The following LRBA variants were observed in gnomAD, a reference collection of about 807,000 sequenced individuals.
LRBA encodes the protein lipopolysaccharide-responsive and beige-like anchor protein.
Under a neutral mutation model 330.0 loss-of-function variants are expected in LRBA, and 176 were observed. The ratio of observed to expected loss-of-function variants is 0.53; its 90% confidence interval spans 0.47 to 0.60. The LOEUF is 0.60. LRBA is among the 20% of genes least tolerant of loss of function. The pLI is 0.00. For synonymous variants in LRBA, 1,230 were observed against 1,193.0 expected, an observed-to-expected ratio of 1.03 and a Z score of -0.64; for missense variants, 3,259 against 3,444.8, an observed-to-expected ratio of 0.95 and a Z score of 1.35.
chr4:150,598,678 T>A (rs1017847772), intron 38 of LRBA, among the ~76,000 whole-genome samples: 12 of 152,198 alleles, frequency 7.9e-5, no homozygotes, highest in Non-Finnish European at 5.9e-5. Flanking sequence ...TTCCTGATAT[T>A]CATGGATTTA....
intron 37 of LRBA, among the ~76,000 whole-genome samples, chr4:150,632,798 A>C (rs1358702468): frequency 2.0e-5 from 3 of 152,310 alleles, no homozygotes; most frequent in Non-Finnish European, 4.4e-5. Flanking sequence ...TGATCTCAGC[A>C]ATTTATACTT....
chr4:150,921,115 G>C, intron 5 of LRBA, 83 bp downstream of exon 5: 1 of 848,678 alleles, frequency 1.2e-6, no homozygotes. Flanking sequence ...CACAGAACCT[G>C]TCAGGGGTGT....
At chr4:150,779,919 A>G (rs948182183) in intron 34 of LRBA, among the ~76,000 whole-genome samples, 8 of 152,206 alleles carry the variant, frequency 5.3e-5, no homozygotes, top group Non-Finnish European at 8.8e-5. Flanking sequence ...GGTGAAGTTA[A>G]TTACAAGTAA....
intron 37 of LRBA, among the ~76,000 whole-genome samples, chr4:150,666,862 A>AT (rs1781609985): frequency 6.6e-6 from 1 of 152,084 alleles, no homozygotes; most frequent in Non-Finnish European, 1.5e-5. Context: ...TATTGATGTC[A>AT]TTTTTTCTGT....
chr4:150,496,006 GAC>G (rs534712193), intron 40 of LRBA, among the ~76,000 whole-genome samples: 98 of 152,208 alleles, frequency 6.4e-4, no homozygotes, highest in African/African-American at 2.0e-3. Context: ...TAAATGTTGA[GAC>G]AGTGTGTTAG....
At chr4:150,611,850 T>C (rs2126579997) in intron 37 of LRBA, among the ~76,000 whole-genome samples, 1 of 152,324 alleles carries the variant, frequency 6.6e-6, no homozygotes, top group South Asian at 2.1e-4. Flanking sequence ...CAATCTCATA[T>C]CCAAGAACCA....
At chr4:150,612,421 T>C (rs77351012) in intron 37 of LRBA, among the ~76,000 whole-genome samples, 2,619 of 152,232 alleles carry the variant, frequency 0.017, 82 homozygotes, top group African/African-American at 0.058. Flanking sequence ...TAGCAAAAGG[T>C]ATGTGCTTTT....
chr4:150,791,947 T>C (rs1039492483), intron 34 of LRBA, among the ~76,000 whole-genome samples: 1 of 138,180 alleles, frequency 7.2e-6, no homozygotes. Flanking sequence ...GAGAATGGCA[T>C]GAACCCGGGA....
chr4:150,540,380 A>C (rs948861668), intron 40 of LRBA, among the ~76,000 whole-genome samples: 4 of 152,174 alleles, frequency 2.6e-5, no homozygotes, highest in Non-Finnish European at 4.4e-5. Context: ...TTTTTAGCAG[A>C]GACGGGGTTT....
intron 2 of LRBA, among the ~76,000 whole-genome samples, chr4:150,970,315 C>T (rs1332390860): frequency 2.0e-5 from 3 of 151,728 alleles, no homozygotes; most frequent in Non-Finnish European, 2.9e-5. Flanking sequence ...GCCTGGGCAA[C>T]TTAGGGAGAC....
In LRBA at chr4:150,264,674, G is replaced by T. The variant is rs1462151135; in HGVS notation, c.*1048C>A. 1 of 152,584 alleles carries T rather than the reference G, an allele frequency of 6.6e-6. No homozygotes were observed. Among genetic ancestry groups the T allele is most frequent in the Non-Finnish European group, 1.5e-5 (1 of 68,020 alleles). The allele number at this position is 152,584 out of a possible 1,614,324, so 9.5% of individuals were successfully genotyped here. ...GAGATCAAAGTTCACAACATACAAAGAATTTATTTATGCAATACAGGCCTT... is the reference window on the plus strand; with the variant it reads ...GAGATCAAAGTTCACAACATACAAATAATTTATTTATGCAATACAGGCCTT... On this transcript the variant is annotated 3_prime_UTR_variant, in exon 57 of 57. Coordinates refer to ENST00000651943, the MANE Select transcript of LRBA (RefSeq NM_001364905.1).
rs60145657 is a variant in LRBA, at chr4:150,697,325, G to GAAAAAAAAAAAAAAAAAAAAAA, written c.5755-13630_5755-13609dup. Among the ~76,000 whole-genome samples the GAAAAAAAAAAAAAAAAAAAAAA allele has an allele frequency of 1.1e-4, 3 of 28,054 alleles. 1 individual carries two copies. Among genetic ancestry groups the GAAAAAAAAAAAAAAAAAAAAAA allele is most frequent in the Non-Finnish European group, 1.9e-4 (3 of 16,064 alleles). 18.4% of individuals were successfully genotyped at this position (28,054 alleles called of 152,430 possible). On this transcript the variant is annotated intron_variant, in intron 36 of 56. Transcript: ENST00000651943. ...GGTGACAGAGTGAGACTTTGTCTCA[G>GAAAAAAAAAAAAAAAAAAAAAA]AAAAAAAAAAAAAAAAAAAAAAAAA...
At chr4:150,950,015 C>A (rs1736660043) in intron 2 of LRBA, among the ~76,000 whole-genome samples, 1 of 152,084 alleles carries the variant, frequency 6.6e-6, no homozygotes, top group Non-Finnish European at 1.5e-5. Context: ...AAATTTGAAC[C>A]TTCAAACAGG....
At chr4:150,551,614 G>A (rs376088100) in intron 40 of LRBA, among the ~76,000 whole-genome samples, 2 of 151,936 alleles carry the variant, frequency 1.3e-5, no homozygotes, top group East Asian at 3.9e-4. Context: ...GCTGCAGTAA[G>A]CCATGATCAT....
At chr4:150,991,732 T>C (rs1366615859) in intron 2 of LRBA, among the ~76,000 whole-genome samples, 1 of 152,156 alleles carries the variant, frequency 6.6e-6, no homozygotes, top group Non-Finnish European at 1.5e-5. Context: ...ATATACCAAA[T>C]GTGATGGTTG....
At chr4:150,302,906 T>C (rs1729860954) in intron 52 of LRBA, 114 bp from the exon 53 acceptor site, 1 of 685,822 alleles carries the variant, frequency 1.5e-6, no homozygotes, top group Admixed American at 3.3e-5. Context: ...ATAATTCAGA[T>C]TTTATAATAA....
At position 150,986,001 on chromosome 4, in the gene LRBA, G is replaced by A. The variant is rs1369839434; in HGVS notation, c.216+28426C>T. On this transcript the variant is annotated intron_variant, in intron 2 of 56. Transcript: ENST00000651943. ...AATGTATAAAAGTGCTTTTTTTTTG[G>A]TAGAGATGGGGGTCTCACTTTGTTG... is the stretch of plus-strand genomic sequence containing the variant. Among the ~76,000 whole-genome samples the A allele has an allele frequency of 5.3e-5, 8 of 150,710 alleles. 2 individuals carry two copies. The highest frequency in any genetic ancestry group is 6.6e-5 in the Admixed American group (1 of 15,218).
At chr4:150,406,095 A>T (rs527622124) in intron 47 of LRBA, among the ~76,000 whole-genome samples, 56 of 152,282 alleles carry the variant, frequency 3.7e-4, no homozygotes, top group African/African-American at 1.2e-3. Context: ...AAATACGACT[A>T]AGAAAAGAAC....
Position 150,456,036 on chromosome 4 carries a change from T to C in LRBA, c.6780+11637A>G, listed in dbSNP as rs376329815. ...TTTATGGCTGAATAGTACTCCATTG[T>C]GTATAAGCACCATATTTTCTTTATT... On this transcript the variant is annotated intron_variant, in intron 44 of 56. Transcript: ENST00000651943. 3.3e-5 allele frequency among the ~76,000 whole-genome samples: 5 copies of C among 152,308 alleles called. No individual in the cohort carries two copies. In the South Asian group the frequency reaches 1.0e-3, roughly 32 times the overall value.
Sources: gnomAD v4.1 joint callset for allele counts (sites outside exome capture counted in the v4.1 genomes callset) on GRCh38, gnomAD v4.1.1 for gene constraint, MANE v1.5 for transcripts, NCBI Gene and HGNC (gene_info 2026-07-23, HGNC 2026-07-21) for gene names.